INSYN2B: variants seen among roughly 807,000 people sequenced by gnomAD.
The protein encoded by INSYN2B is inhibitory synaptic factor family member 2B.
A neutral mutation model predicts 41.2 loss-of-function variants in INSYN2B; 16 were observed. The observed-to-expected ratio is 0.39, with a 90% confidence interval of 0.26 to 0.59. INSYN2B has a LOEUF of 0.59. INSYN2B is among the 20% of genes least tolerant of loss of function. INSYN2B has a pLI of 0.57. For missense variants in INSYN2B, 608 were observed against 646.4 expected (o/e 0.94, Z 0.64); for synonymous variants, 245 against 244.4 (o/e 1.00, Z -0.02).
intron 2 of INSYN2B, among the ~76,000 whole-genome samples, chr5:169,881,944 T>G (rs1054222046): frequency 1.3e-5 from 2 of 152,238 alleles, no homozygotes; most frequent in Non-Finnish European, 2.9e-5. Flanking sequence ...AACTGCCTTT[T>G]CCTCCTATAC....
At chr5:169,968,023 A>G (rs931418494) in intron 1 of INSYN2B, among the ~76,000 whole-genome samples, 1 of 152,184 alleles carries the variant, frequency 6.6e-6, no homozygotes, top group Admixed American at 6.5e-5. Flanking sequence ...TGAGCTGCCC[A>G]TGAGGTGGAA....
rs1446651832 is a variant in INSYN2B, at chr5:169,862,569, G to A, written c.*1704C>T. On this transcript the variant is annotated 3_prime_UTR_variant, in exon 4 of 4. Transcript: ENST00000377365. ...ATCTTATTGAAATGTGGCTTCTTAA[G>A]TATGACAAGTGTATTTATCTTAATT... Among the ~76,000 whole-genome samples the A allele has an allele frequency of 6.6e-6, 1 of 152,168 alleles. No individual in the cohort carries two copies. Among genetic ancestry groups the A allele is most frequent in the Non-Finnish European group, 1.5e-5 (1 of 68,034 alleles).
chr5:169,933,870 G>C (rs1243145542), intron 1 of INSYN2B, among the ~76,000 whole-genome samples: 2 of 152,312 alleles, frequency 1.3e-5, no homozygotes, highest in Middle Eastern at 6.8e-3. Context: ...GAAATGAACA[G>C]AGCGTGCTCC....
At chr5:169,974,591 CAT>C (rs1561861230) in intron 1 of INSYN2B, among the ~76,000 whole-genome samples, 1 of 152,138 alleles carries the variant, frequency 6.6e-6, no homozygotes, top group Non-Finnish European at 1.5e-5. Flanking sequence ...CCTGGATGCA[CAT>C]GTTTGCAGGA....
intron 1 of INSYN2B, among the ~76,000 whole-genome samples, chr5:169,964,501 G>A (rs994196050): frequency 9.2e-5 from 14 of 152,330 alleles, no homozygotes; most frequent in Middle Eastern, 3.4e-3. Context: ...GGGAGCTGGC[G>A]GCCCTGTGGC....
At chr5:169,904,151 CCTAGAT>C (rs1299682702) in intron 1 of INSYN2B, among the ~76,000 whole-genome samples, 2 of 150,990 alleles carry the variant, frequency 1.3e-5, no homozygotes, top group African/African-American at 4.9e-5. Context: ...TCTGGGGCTG[CCTAGAT>C]CCTTTGTACT....
intron 1 of INSYN2B, among the ~76,000 whole-genome samples, chr5:169,925,212 G>A (rs1404038870): frequency 6.6e-6 from 1 of 152,194 alleles, no homozygotes; most frequent in Non-Finnish European, 1.5e-5. Flanking sequence ...CAGTCAGGCA[G>A]CCCTAGCTTA....
intron 1 of INSYN2B, among the ~76,000 whole-genome samples, chr5:169,966,772 G>A (rs944365013): frequency 6.6e-6 from 1 of 152,150 alleles, no homozygotes; most frequent in Non-Finnish European, 1.5e-5. Flanking sequence ...GGAAAGAATG[G>A]CCAGGACTCC....
intron 1 of INSYN2B, among the ~76,000 whole-genome samples, chr5:169,925,366 G>C (rs1775382111): frequency 6.6e-6 from 1 of 152,104 alleles, no homozygotes. Flanking sequence ...CAGATCACAA[G>C]GTCAGGCGTT....
intron 1 of INSYN2B, among the ~76,000 whole-genome samples, chr5:169,943,989 T>G (rs1581453105): frequency 6.6e-6 from 1 of 152,238 alleles, no homozygotes; most frequent in East Asian, 1.9e-4. Context: ...AGTGGGCTAA[T>G]AGCATGGTGT....
chr5:169,876,511 T>G (rs1370185324), intron 3 of INSYN2B, among the ~76,000 whole-genome samples: 1 of 152,170 alleles, frequency 6.6e-6, no homozygotes, highest in Non-Finnish European at 1.5e-5. Context: ...CCCACTACAG[T>G]CAGGACAGAA....
At chr5:169,902,140 A>G (rs570612798) in intron 1 of INSYN2B, among the ~76,000 whole-genome samples, 1 of 152,328 alleles carries the variant, frequency 6.6e-6, no homozygotes, top group East Asian at 1.9e-4. Context: ...CAGAAATACC[A>G]CAAAAACACT....
intron 1 of INSYN2B, among the ~76,000 whole-genome samples, chr5:169,944,519 C>T (rs1057499802): frequency 2.0e-5 from 3 of 152,178 alleles, no homozygotes; most frequent in African/African-American, 7.2e-5. Flanking sequence ...GCAGTGAATA[C>T]CAGGGAGGCT....
rs760667751 is a variant in INSYN2B, at chr5:169,869,236, A to C, written c.1422-4777T>G. ...CCACCATCTACATTCAGGGAAGAAC[A>C]CACTCTTTATGTTTCTATGGAAACA... is the stretch of plus-strand genomic sequence containing the variant. On this transcript the variant is annotated intron_variant, in intron 3 of 3. Transcript: ENST00000377365. 3.9e-5 allele frequency among the ~76,000 whole-genome samples: 6 copies of C among 152,162 alleles called. No homozygotes were observed. The South Asian group carries it at 1.0e-3, about 26-fold the overall frequency.
At chr5:169,906,838 A>G (rs1414894391) in intron 1 of INSYN2B, among the ~76,000 whole-genome samples, 1 of 152,222 alleles carries the variant, frequency 6.6e-6, no homozygotes, top group Non-Finnish European at 1.5e-5. Context: ...TAGGGCCTGA[A>G]GTAGAAAGAC....
intron 1 of INSYN2B, among the ~76,000 whole-genome samples, chr5:169,887,248 AG>A (rs1773023943): frequency 6.6e-6 from 1 of 152,212 alleles, no homozygotes. Context: ...CCTTTTCTCC[AG>A]GAAGTTTATG....
chr5:169,937,129 T>G (rs2113696585), intron 1 of INSYN2B, among the ~76,000 whole-genome samples: 1 of 152,304 alleles, frequency 6.6e-6, no homozygotes, highest in African/African-American at 2.4e-5. Flanking sequence ...GTAAATAAAG[T>G]TTTACTGCGG....
Position 169,883,180 on chromosome 5 carries a change from C to T in INSYN2B, c.719G>A (p.Arg240His), listed in dbSNP as rs79381504. The stretch of plus-strand genomic sequence containing the variant: ...AGTCACCCTTCTCCCATCACCTGGA[C>T]GTGTGTCATCCAAAGGGTGTATGGA... ...SNSIHPLDDTRPGDGRRVTPL... is the reference protein window; with the variant it reads ...SNSIHPLDDTHPGDGRRVTPL... Residue 240 changes from arginine (R) to histidine (H), a missense_variant, in exon 2 of 4, where the codon CGT becomes CAT. By Grantham distance (29) the Arg-to-His change is conservative. Coordinates refer to ENST00000377365, the MANE Select transcript of INSYN2B (RefSeq NM_001129891.3). 1,210 of 1,551,520 alleles carry T rather than the reference C, an allele frequency of 7.8e-4. 9 individuals carry two copies. In the East Asian group the frequency reaches 0.019, roughly 24 times the overall value.
chr5:169,897,833 C>T (rs1169348834), intron 1 of INSYN2B, among the ~76,000 whole-genome samples: 1 of 152,162 alleles, frequency 6.6e-6, no homozygotes, highest in Non-Finnish European at 1.5e-5. Flanking sequence ...CTTTAATTTT[C>T]TCCAGGTCTA....
Sources: gnomAD v4.1 joint callset for allele counts (sites outside exome capture counted in the v4.1 genomes callset) on GRCh38, gnomAD v4.1.1 for gene constraint, MANE v1.5 for transcripts, NCBI Gene and HGNC (gene_info 2026-07-23, HGNC 2026-07-21) for gene names.